Variants in ATP13A4 observed in about 807,000 individuals in gnomAD.
ATP13A4 encodes the protein probable cation-transporting ATPase 13A4.
ATP13A4 carries 114 observed loss-of-function variants against 142.5 expected under a neutral mutation model. That is an observed-to-expected ratio of 0.80 (90% CI 0.69 to 0.93). ATP13A4 has a LOEUF of 0.93. Ranked by LOEUF, ATP13A4 falls within the 40% of genes least tolerant of loss-of-function variation. The probability of loss-of-function intolerance (pLI) is 0.00; values close to 1 mark genes in which losing one functional copy is unlikely to be tolerated. For missense variants in ATP13A4, 1,392 were observed against 1,454.0 expected (o/e 0.96, Z 0.69); for synonymous variants, 488 against 514.8 (o/e 0.95, Z 0.70).
chr3:193,470,863 C>A lies in ATP13A4; in HGVS notation c.939G>T (p.Leu313=), dbSNP rs145909070. The change falls in exon 9 of 30, where the codon CTG becomes CTT. Residue 313 remains leucine, a synonymous_variant. Transcript: ENST00000342695. ...EGSCVVDEGM[L]TGESIPVTKT... is the part of the protein sequence containing the mutation. The stretch of plus-strand genomic sequence containing the variant: ...GCTGTGGAGATGGAACTGTACCTGT[C>A]AGCATGCCTTCATCCACCACACAGC... The A allele has an allele frequency of 9.7e-4, 1,571 of 1,614,074 alleles. 1 individual carries two copies. Among genetic ancestry groups the A allele is most frequent in the Non-Finnish European group, 1.3e-3 (1,484 of 1,180,032 alleles).
rs1257393811 is a variant in ATP13A4 at position 193,491,361 on chromosome 3, C to A, written c.571G>T (p.Val191Phe). The A allele has an allele frequency of 2.7e-5, 43 of 1,602,360 alleles. No homozygotes were observed. The highest frequency in any genetic ancestry group is 3.7e-5 in the Non-Finnish European group (43 of 1,169,734). The change falls in exon 6 of 30, where the codon GTT (valine) becomes TTT (phenylalanine). Residue 191 changes from valine (V) to phenylalanine (F), a missense_variant. Coordinates refer to ENST00000342695, the MANE Select transcript of ATP13A4 (RefSeq NM_032279.4). ...ICGPNTIDVE[V>F]TPIWKLLIKE... The stretch of plus-strand genomic sequence containing the variant: ...ATGAGCAGTTTCCAAATTGGTGTAA[C>A]TTCAACATCGATAGTATTAGGCCCA...
rs1245592324 is a variant in ATP13A4 at position 193,438,574 on chromosome 3, A to T, written c.2573T>A (p.Met858Lys). 6.2e-7 allele frequency: 1 copy of T among 1,614,024 alleles called. No homozygotes were observed. Among genetic ancestry groups the T allele is most frequent in the Admixed American group, 1.7e-5 (1 of 60,030 alleles). ...TGATAATGAGATGCCCACATGAGCC[A>T]TTTTCAGAGCCTGAAAGCAAAGAAT... ...DGANDCGALKMAHVGISLSEQ... is the reference protein window; with the variant it reads ...DGANDCGALKKAHVGISLSEQ... The change falls in exon 23 of 30, where the codon ATG becomes AAG. Residue 858 changes from methionine to lysine, a missense_variant. Physicochemically the swap from Met to Lys is moderately conservative, Grantham distance 95. Coordinates refer to ENST00000342695, the MANE Select transcript of ATP13A4 (RefSeq NM_032279.4).
chr3:193,528,708 A>ATG (rs1722148236), intron 1 of ATP13A4, among the ~76,000 whole-genome samples: 9 of 152,142 alleles, frequency 5.9e-5, no homozygotes, highest in Admixed American at 5.2e-4. Context: ...TACAGAAGCA[A>ATG]TGCATGCACA....
At position 193,539,119 on chromosome 3, in the gene ATP13A4, C is replaced by T. The variant is rs75035492; in HGVS notation, c.60+15621G>A. On this transcript the variant is annotated intron_variant, in intron 1 of 29. Transcript: ENST00000342695. ...AACTCCCAACCTCAGGTGATCCACC[C>T]ACCCTGGCCTCCCAAATTGCTGGGA... Among the ~76,000 whole-genome samples, 827 of 152,228 alleles carry T rather than the reference C, an allele frequency of 5.4e-3. 14 individuals carry two copies. In the East Asian group the frequency reaches 0.07, roughly 13 times the overall value.
chr3:193,486,512 AG>A (rs1367836930), intron 7 of ATP13A4, among the ~76,000 whole-genome samples: 2 of 152,228 alleles, frequency 1.3e-5, no homozygotes, highest in Non-Finnish European at 2.9e-5. Flanking sequence ...GAAAGTTTCA[AG>A]GTTGGCAACC....
At chr3:193,428,339 G>A (rs1715783058) in intron 25 of ATP13A4, among the ~76,000 whole-genome samples, 1 of 152,186 alleles carries the variant, frequency 6.6e-6, no homozygotes, top group African/African-American at 2.4e-5. Context: ...TTACACTGTT[G>A]GTGGGACTGT....
intron 25 of ATP13A4, among the ~76,000 whole-genome samples, chr3:193,421,427 T>C (rs958398008): frequency 1.3e-5 from 2 of 149,436 alleles, no homozygotes; most frequent in African/African-American, 4.9e-5. Flanking sequence ...GTTTTTCAAG[T>C]AGAAATGGAA....
In ATP13A4 at chr3:193,462,771, T is replaced by C; in HGVS notation, c.1514A>G (p.Asp505Gly). ...AGTCCAAGGTACTCACCCATTCCTA[T>C]CACAGGACACGACTCCCCAGAGGTC... is the stretch of plus-strand genomic sequence containing the variant. Reference protein sequence around the residue: ...GLDLWGVVSCDRNGFQEVHSF... With the variant: ...GLDLWGVVSCGRNGFQEVHSF... The change falls in exon 13 of 30, where the codon GAT (aspartate) becomes GGT (glycine). Residue 505 changes from aspartate (D) to glycine (G), a missense_variant. Coordinates refer to ENST00000342695, the MANE Select transcript of ATP13A4 (RefSeq NM_032279.4). 1 of 1,613,816 alleles carries C rather than the reference T, an allele frequency of 6.2e-7. No homozygotes were observed. Among genetic ancestry groups the C allele is most frequent in the East Asian group, 2.2e-5 (1 of 44,876 alleles).
At chr3:193,421,021 C>A (rs1321495968) in intron 25 of ATP13A4, among the ~76,000 whole-genome samples, 1 of 149,678 alleles carries the variant, frequency 6.7e-6, no homozygotes, top group East Asian at 2.1e-4. Context: ...GTGCTGAAAA[C>A]CTTCTAAGTC....
At chr3:193,489,954 A>G in intron 6 of ATP13A4, 90 bp from the exon 7 acceptor site, 2 of 1,358,122 alleles carry the variant, frequency 1.5e-6, no homozygotes, top group South Asian at 2.4e-5. Context: ...CATCTTCATG[A>G]CATACATCAT....
intron 22 of ATP13A4, 125 bp from the exon 23 acceptor site, chr3:193,438,709 C>G (rs1716448783): frequency 2.4e-6 from 2 of 821,118 alleles, no homozygotes; most frequent in South Asian, 2.9e-5. Flanking sequence ...AACCAAGAGA[C>G]TTAACCCTGC....
At chr3:193,510,566 G>C (rs1721089377) in intron 2 of ATP13A4, among the ~76,000 whole-genome samples, 1 of 152,154 alleles carries the variant, frequency 6.6e-6, no homozygotes, top group Admixed American at 6.5e-5. Flanking sequence ...TTAAAAATCA[G>C]AAGTAGATGA....
intron 1 of ATP13A4, among the ~76,000 whole-genome samples, chr3:193,540,195 G>C (rs575562646): frequency 6.6e-6 from 1 of 152,028 alleles, no homozygotes; most frequent in African/African-American, 2.4e-5. Context: ...GCAGTTTGCT[G>C]CAAGAGCCCT....
intron 1 of ATP13A4, among the ~76,000 whole-genome samples, chr3:193,525,222 G>C (rs1314716680): frequency 6.6e-6 from 1 of 152,152 alleles, no homozygotes. Context: ...GACAATCATA[G>C]AGTGCTGGCA....
rs1720022641 is a variant in ATP13A4, at chr3:193,492,938, G to T, written c.512C>A (p.Thr171Lys). Residue 171 changes from threonine (T) to lysine (K), a missense_variant, in exon 5 of 30, where the codon ACA becomes AAA. Transcript: ENST00000342695. The stretch of plus-strand genomic sequence containing the variant: ...GTACCTAATCTCCTGTTCTTCTCTT[G>T]TCAAGCCTGATCCAAATTTTTGATG... ...KIHQKFGSGL[T>K]REEQEIRRLI... 6 of 1,609,708 alleles carry T rather than the reference G, an allele frequency of 3.7e-6. No homozygotes were observed. The highest frequency in any genetic ancestry group is 5.1e-6 in the Non-Finnish European group (6 of 1,176,858).
At chr3:193,556,448 C>T (rs1207465945), upstream of ATP13A4, among the ~76,000 whole-genome samples, 2 of 151,878 alleles carry the variant, frequency 1.3e-5, no homozygotes, top group South Asian at 2.1e-4. Flanking sequence ...GCTAAGTAAA[C>T]CCATTGTAAT....
At chr3:193,406,903 T>C (rs1714526565) in intron 29 of ATP13A4, among the ~76,000 whole-genome samples, 1 of 152,148 alleles carries the variant, frequency 6.6e-6, no homozygotes, top group African/African-American at 2.4e-5. Context: ...TCTTTAGCGA[T>C]GATGAAAATG....
chr3:193,526,320 C>A (rs1722000424), intron 1 of ATP13A4, among the ~76,000 whole-genome samples: 1 of 152,112 alleles, frequency 6.6e-6, no homozygotes, highest in African/African-American at 2.4e-5. Flanking sequence ...AAGCTGGAAG[C>A]CATCATTCTG....
chr3:193,587,158 G>A (rs559702446), intron 1 of ATP13A4, among the ~76,000 whole-genome samples: 1 of 152,256 alleles, frequency 6.6e-6, no homozygotes, highest in African/African-American at 2.4e-5. Flanking sequence ...TGTAACAAGT[G>A]ACCTGAAACT....
Sources: gnomAD v4.1 joint callset for allele counts (sites outside exome capture counted in the v4.1 genomes callset) on GRCh38, gnomAD v4.1.1 for gene constraint, MANE v1.5 for transcripts, NCBI Gene and HGNC (gene_info 2026-07-23, HGNC 2026-07-21) for gene names.